PTPRN2: variants seen among roughly 807,000 people sequenced by gnomAD.
The protein encoded by PTPRN2 is protein tyrosine phosphatase receptor type N2.
A neutral mutation model predicts 118.8 loss-of-function variants in PTPRN2; 74 were observed. The observed-to-expected ratio is 0.62, with a 90% CI of 0.52 to 0.76. The LOEUF (loss-of-function observed/expected upper bound fraction) is 0.76. Ranked by LOEUF, PTPRN2 falls within the 30% of genes least tolerant of loss-of-function variation. The pLI, the probability that PTPRN2 is intolerant of heterozygous loss-of-function variation, is 0.00. For synonymous variants in PTPRN2, 641 were observed against 608.0 expected (o/e 1.05, Z -0.80); for missense variants, 1,481 against 1,394.4 (o/e 1.06, Z -0.99).
At chr7:158,198,290 A>G (rs1826370978) in intron 4 of PTPRN2, among the ~76,000 whole-genome samples, 1 of 152,222 alleles carries the variant, frequency 6.6e-6, no homozygotes, top group Admixed American at 6.5e-5. Flanking sequence ...TGTTGTAGCA[A>G]TTAACTTGCA....
chr7:158,021,579 A>G (rs904001162), intron 11 of PTPRN2, among the ~76,000 whole-genome samples: 3 of 152,094 alleles, frequency 2.0e-5, no homozygotes, highest in African/African-American at 7.2e-5. Flanking sequence ...GAAGGACAGC[A>G]CTGTGAGGAC....
rs1012979705 is a variant in PTPRN2, at chr7:158,565,473, T to C, written c.112+22085A>G. Among the ~76,000 whole-genome samples, 3 of 152,060 alleles carry C rather than the reference T, an allele frequency of 2.0e-5. No individual in the cohort carries two copies. The highest frequency in any genetic ancestry group is 2.9e-5 in the Non-Finnish European group (2 of 68,016). On this transcript the variant is annotated intron_variant, in intron 1 of 22. Coordinates refer to ENST00000389418, the MANE Select transcript of PTPRN2 (RefSeq NM_002847.5). This position sits in a 1 kb window ranked among gnomAD's most constrained non-coding sequence, Gnocchi z 4.6. ...ACACCACCTCTGCTGAGCACAAAGG[T>C]GGACGTGTCCCCAAAATAGCAGCTT...
At chr7:157,833,550 C>T (rs1031420429) in intron 12 of PTPRN2, among the ~76,000 whole-genome samples, 1 of 149,972 alleles carries the variant, frequency 6.7e-6, no homozygotes, top group Non-Finnish European at 1.5e-5. Flanking sequence ...TGTCCAGGAG[C>T]GAGATGTGGC....
intron 11 of PTPRN2, among the ~76,000 whole-genome samples, chr7:158,071,384 C>G (rs973556414): frequency 8.2e-4 from 23 of 27,970 alleles, no homozygotes; most frequent in Non-Finnish European, 9.9e-4. Context: ...TGGAGGTGCT[C>G]GTGGTGGAGG....
chr7:157,823,095 T>C (rs1199655160), intron 12 of PTPRN2, among the ~76,000 whole-genome samples: 1 of 151,086 alleles, frequency 6.6e-6, no homozygotes, highest in Admixed American at 6.6e-5. Flanking sequence ...CATGCATGCA[T>C]CCATCTATCC....
chr7:158,526,508 G>A lies in PTPRN2; in HGVS notation c.113-36723C>T, dbSNP rs2129448426. On this transcript the variant is annotated intron_variant, in intron 1 of 22. Transcript: ENST00000389418. This position sits in a 1 kb window ranked among gnomAD's most constrained non-coding sequence, Gnocchi z 5.2. ...ATGCTGGACTGTGGCTTGGGAAACTGACTCGGTTGTTCTCCATTCCTGATC... is the reference window on the plus strand; with the variant it reads ...ATGCTGGACTGTGGCTTGGGAAACTAACTCGGTTGTTCTCCATTCCTGATC... Among the ~76,000 whole-genome samples the A allele has an allele frequency of 7.0e-6, 1 of 142,958 alleles. No individual in the cohort carries two copies. Among genetic ancestry groups the A allele is most frequent in the South Asian group, 2.1e-4 (1 of 4,822 alleles). The allele number at this position is 142,958 out of a possible 152,430, so 93.8% of individuals were successfully genotyped here.
At chr7:157,952,217 G>T (rs923852880) in intron 11 of PTPRN2, among the ~76,000 whole-genome samples, 1 of 152,180 alleles carries the variant, frequency 6.6e-6, no homozygotes, top group Non-Finnish European at 1.5e-5. Flanking sequence ...AGCTAGCCTC[G>T]CCAGACGCGG....
intron 15 of PTPRN2, among the ~76,000 whole-genome samples, chr7:157,608,121 G>A (rs898734481): frequency 1.3e-5 from 2 of 152,138 alleles, no homozygotes; most frequent in African/African-American, 2.4e-5. Context: ...AAGCTCAAGT[G>A]CAGTGGCACA....
chr7:158,586,766 G>T (rs976211675), intron 1 of PTPRN2, among the ~76,000 whole-genome samples: 1 of 152,200 alleles, frequency 6.6e-6, no homozygotes, highest in Admixed American at 6.5e-5. Context: ...GGGGGGGTGC[G>T]GGGGACGCAG....
chr7:157,937,482 G>A (rs1799787309), intron 11 of PTPRN2, among the ~76,000 whole-genome samples: 1 of 152,204 alleles, frequency 6.6e-6, no homozygotes, highest in Admixed American at 6.5e-5. Flanking sequence ...CTGTTGTCAG[G>A]CACAGAGAAG....
chr7:158,272,306 T>C (rs986254618), intron 3 of PTPRN2, among the ~76,000 whole-genome samples: 1 of 152,220 alleles, frequency 6.6e-6, no homozygotes, highest in Non-Finnish European at 1.5e-5. Context: ...GGGCTGTACT[T>C]GCTCAGCCTT....
rs1267978144 is a variant in PTPRN2, at chr7:158,061,977, C to T, written c.1723+19321G>A. Among the ~76,000 whole-genome samples the T allele has an allele frequency of 1.0e-4, 16 of 152,384 alleles. No individual in the cohort carries two copies. In the South Asian group the frequency reaches 1.4e-3, roughly 14 times the overall value. On this transcript the variant is annotated intron_variant, in intron 11 of 22. Coordinates refer to ENST00000389418, the MANE Select transcript of PTPRN2 (RefSeq NM_002847.5). ...GGGAGTGCCCATGCGTGGTGTCCCA[C>T]GAAGGCGGAGCTGGGCATGAGCACG... is the stretch of plus-strand genomic sequence containing the variant.
intron 2 of PTPRN2, among the ~76,000 whole-genome samples, chr7:158,395,265 AG>A (rs1316500007): frequency 7.5e-6 from 1 of 132,920 alleles, no homozygotes; most frequent in Non-Finnish European, 1.6e-5. Context: ...ACCTGCGCCC[AG>A]GGCTGTCCCT....
At chr7:157,856,730 AT>A (rs1306066066) in intron 12 of PTPRN2, among the ~76,000 whole-genome samples, 9 of 152,304 alleles carry the variant, frequency 5.9e-5, no homozygotes, top group African/African-American at 2.2e-4. Flanking sequence ...TGTGGGGTGG[AT>A]TTCATATGAC....
intron 12 of PTPRN2, among the ~76,000 whole-genome samples, chr7:157,772,586 C>G (rs1407600995): frequency 6.6e-6 from 1 of 152,158 alleles, no homozygotes; most frequent in Non-Finnish European, 1.5e-5. Flanking sequence ...GTGACCTGGG[C>G]GAATCCTGCT....
chr7:158,442,607 G>A, intron 2 of PTPRN2, among the ~76,000 whole-genome samples: 1 of 152,152 alleles, frequency 6.6e-6, no homozygotes, highest in Admixed American at 6.5e-5. Flanking sequence ...GCCCAGAAGA[G>A]CATCTAAACA....
intron 4 of PTPRN2, among the ~76,000 whole-genome samples, chr7:158,195,225 G>A (rs1198391086): frequency 6.6e-6 from 1 of 152,134 alleles, no homozygotes; most frequent in African/African-American, 2.4e-5. Flanking sequence ...TGGAATTCTG[G>A]GTTGATGTTT....
At position 157,784,477 on chromosome 7, in the gene PTPRN2, G is replaced by A. The variant is rs1413188019; in HGVS notation, c.1789-101540C>T. 2.0e-5 allele frequency among the ~76,000 whole-genome samples: 3 copies of A among 152,190 alleles called. No individual in the cohort carries two copies. The highest frequency in any genetic ancestry group is 6.5e-5 in the Admixed American group (1 of 15,272). Reference sequence around the variant, plus strand: ...CCTCACCTGCAAAAGCTGTGGCTGCGGGAACCTTCCTGCCCTGCAGGAACC... The same window carrying A: ...CCTCACCTGCAAAAGCTGTGGCTGCAGGAACCTTCCTGCCCTGCAGGAACC... On this transcript the variant is annotated intron_variant, in intron 12 of 22. Coordinates refer to ENST00000389418, the MANE Select transcript of PTPRN2 (RefSeq NM_002847.5). This position sits in a 1 kb window ranked among gnomAD's most constrained non-coding sequence, Gnocchi z 4.6.
At chr7:158,188,216 G>GT (rs546355415) in intron 5 of PTPRN2, among the ~76,000 whole-genome samples, 5,573 of 40,704 alleles carry the variant, frequency 0.14, 1,047 homozygotes, top group East Asian at 0.24. Context: ...CTCGCCGCCT[G>GT]ATGGGGAAGG....
Sources: allele counts gnomAD v4.1 joint callset (sites outside exome capture counted in the v4.1 genomes callset), GRCh38; gene constraint gnomAD v4.1.1; non-coding constraint Gnocchi (gnomAD v3.1); transcripts MANE v1.5; gene names NCBI Gene and HGNC (gene_info 2026-07-23, HGNC 2026-07-21).